The following DIAPH3 variants were observed in gnomAD, a reference collection of about 807,000 sequenced individuals.
The protein encoded by DIAPH3 is diaphanous related formin 3.
Under a neutral mutation model 144.3 loss-of-function variants are expected in DIAPH3, and 117 were observed. The observed-to-expected ratio is 0.81, with a 90% CI of 0.70 to 0.95. DIAPH3 has a LOEUF of 0.95. DIAPH3 is among the 40% of genes least tolerant of loss of function. The pLI is 0.00. For synonymous variants in DIAPH3, 519 were observed against 488.9 expected, an observed-to-expected ratio of 1.06 and a Z score of -0.81; for missense variants, 1,421 against 1,412.7, an observed-to-expected ratio of 1.01 and a Z score of -0.09.
At chr13:60,041,555 G>T (rs185012524) in intron 5 of DIAPH3, among the ~76,000 whole-genome samples, 7 of 151,994 alleles carry the variant, frequency 4.6e-5, no homozygotes, top group African/African-American at 1.7e-4. Context: ...ATACATGTAC[G>T]GTCAAAGATT....
At chr13:59,797,654 A>G (rs1210535294) in intron 25 of DIAPH3, among the ~76,000 whole-genome samples, 1 of 152,176 alleles carries the variant, frequency 6.6e-6, no homozygotes, top group African/African-American at 2.4e-5. Context: ...GAGCCTTGGA[A>G]CTGAATGTTT....
At chr13:59,711,500 C>G (rs1262787530) in intron 27 of DIAPH3, among the ~76,000 whole-genome samples, 3 of 152,124 alleles carry the variant, frequency 2.0e-5, no homozygotes, top group Non-Finnish European at 4.4e-5. Context: ...CACACCACCA[C>G]CACCTCTCTT....
In DIAPH3 at chr13:59,964,109, C is replaced by T. The variant is rs545535754; in HGVS notation, c.2074+5835G>A. Among the ~76,000 whole-genome samples the T allele has an allele frequency of 1.2e-4, 18 of 152,102 alleles. No individual in the cohort carries two copies. The East Asian group carries it at 3.3e-3, about 28-fold the overall frequency. ...AGAAAATGGAAGATAAATTCTGAGA[C>T]AAAAGGTGTGAGATAACAACAATGA... is the stretch of plus-strand genomic sequence containing the variant. On this transcript the variant is annotated intron_variant, in intron 17 of 27. Transcript: ENST00000400324.
chr13:59,742,931 G>C (rs890981117), intron 27 of DIAPH3, among the ~76,000 whole-genome samples: 1 of 151,996 alleles, frequency 6.6e-6, no homozygotes, highest in African/African-American at 2.4e-5. Flanking sequence ...TGAAATGTTG[G>C]AATGTGAAAT....
At chr13:59,792,688 C>T (rs1266036315) in intron 25 of DIAPH3, among the ~76,000 whole-genome samples, 1 of 152,170 alleles carries the variant, frequency 6.6e-6, no homozygotes, top group East Asian at 1.9e-4. Flanking sequence ...ATCTCCAATG[C>T]CCTGGCACCA....
rs568447833 is a variant in DIAPH3 at position 59,736,014 on chromosome 13, T to C, written c.3319+38175A>G. ...TGTCCATGTGTTATCATCATTTAGC[T>C]CCTACTTATAAGTAAGAACATGCAG... On this transcript the variant is annotated intron_variant, in intron 27 of 27. Coordinates refer to ENST00000400324, the MANE Select transcript of DIAPH3 (RefSeq NM_001042517.2). Among the ~76,000 whole-genome samples the C allele has an allele frequency of 1.1e-4, 17 of 152,290 alleles. No individual in the cohort carries two copies. The East Asian group carries it at 3.1e-3, about 28-fold the overall frequency.
intron 17 of DIAPH3, among the ~76,000 whole-genome samples, chr13:59,950,987 G>A (rs2049067437): frequency 6.6e-6 from 1 of 152,034 alleles, no homozygotes. Flanking sequence ...TAAATTTTCT[G>A]TAACATAATT....
intron 25 of DIAPH3, among the ~76,000 whole-genome samples, chr13:59,800,947 T>C (rs2139473142): frequency 1.3e-5 from 2 of 152,336 alleles, no homozygotes; most frequent in South Asian, 4.1e-4. Context: ...GAGTGACTAC[T>C]ATCAAAAGGC....
chr13:59,989,666 T>A (rs1314905127), intron 12 of DIAPH3, among the ~76,000 whole-genome samples: 1 of 151,960 alleles, frequency 6.6e-6, no homozygotes, highest in Non-Finnish European at 1.5e-5. Flanking sequence ...CACAATTTAA[T>A]CTTTCTCCAA....
intron 27 of DIAPH3, among the ~76,000 whole-genome samples, chr13:59,727,608 T>C (rs993461662): frequency 6.6e-6 from 1 of 152,166 alleles, no homozygotes; most frequent in African/African-American, 2.4e-5. Flanking sequence ...TATGGGATTT[T>C]GGAGATGAAG....
chr13:59,896,115 G>A (rs967427267), intron 20 of DIAPH3, among the ~76,000 whole-genome samples: 3 of 152,156 alleles, frequency 2.0e-5, no homozygotes, highest in African/African-American at 4.8e-5. Flanking sequence ...TTAGAAATCC[G>A]CAGTTTCAAT....
intron 21 of DIAPH3, among the ~76,000 whole-genome samples, chr13:59,865,735 G>A (rs2043877489): frequency 6.6e-6 from 1 of 151,920 alleles, no homozygotes; most frequent in South Asian, 2.1e-4. Context: ...AAACTCCCTT[G>A]CAGTTACAGT....
intron 27 of DIAPH3, 180 bp downstream of exon 27, chr13:59,774,008 GC>G: frequency 2.1e-6 from 1 of 481,504 alleles, no homozygotes; most frequent in South Asian, 2.7e-5. Flanking sequence ...CAACCTCAAG[GC>G]AATAATATAA....
At chr13:59,757,163 T>C (rs1473816068) in intron 27 of DIAPH3, among the ~76,000 whole-genome samples, 1 of 152,034 alleles carries the variant, frequency 6.6e-6, no homozygotes, top group Non-Finnish European at 1.5e-5. Flanking sequence ...CATCCAGTGT[T>C]ATTGAGAATT....
intron 22 of DIAPH3, among the ~76,000 whole-genome samples, chr13:59,850,501 C>G (rs2042901333): frequency 6.6e-6 from 1 of 151,018 alleles, no homozygotes; most frequent in South Asian, 2.1e-4. Flanking sequence ...CCCATCAATA[C>G]CTAATTTATT....
At chr13:59,933,647 G>A (rs183303082) in intron 17 of DIAPH3, among the ~76,000 whole-genome samples, 92 of 152,278 alleles carry the variant, frequency 6.0e-4, no homozygotes, top group African/African-American at 2.1e-3. Flanking sequence ...GAGATGCTGT[G>A]TAAGGCTCCA....
chr13:60,077,233 T>C (rs2057409118), intron 4 of DIAPH3, among the ~76,000 whole-genome samples: 1 of 151,512 alleles, frequency 6.6e-6, no homozygotes, highest in Non-Finnish European at 1.5e-5. Flanking sequence ...CAGGGGGAAA[T>C]GCGTAAAGAT....
At chr13:60,156,935 ATATAT>A (rs1357745828) in intron 1 of DIAPH3, among the ~76,000 whole-genome samples, 5 of 52,490 alleles carry the variant, frequency 9.5e-5, no homozygotes, top group Admixed American at 5.2e-4. Flanking sequence ...ATATATATAT[ATATAT>A]TTTTTTTTTT....
chr13:60,137,632 A>G (rs2059319192), intron 1 of DIAPH3, among the ~76,000 whole-genome samples: 1 of 152,128 alleles, frequency 6.6e-6, no homozygotes, highest in South Asian at 2.1e-4. Flanking sequence ...GACAGCCACC[A>G]TCAGATTCAA....
Sources: allele counts gnomAD v4.1 joint callset (sites outside exome capture counted in the v4.1 genomes callset), GRCh38; gene constraint gnomAD v4.1.1; transcripts MANE v1.5; gene names NCBI Gene and HGNC (gene_info 2026-07-23, HGNC 2026-07-21).